Variants in FLYWCH2 observed in about 807,000 individuals in gnomAD.
FLYWCH2 encodes the protein FLYWCH family member 2.
FLYWCH2 carries 2 observed loss-of-function variants against 6.0 expected under a neutral mutation model. That is an observed-to-expected ratio of 0.33 (90% CI 0.14 to 1.04). The LOEUF (loss-of-function observed/expected upper bound fraction) is 1.04, where lower values mean the gene tolerates loss of function less well. Ranked by LOEUF, FLYWCH2 falls within the 50% of genes least tolerant of loss-of-function variation. FLYWCH2 has a pLI of 0.45. For synonymous variants in FLYWCH2, 87 were observed against 79.3 expected (o/e 1.10, Z -0.52); for missense variants, 192 against 183.4 (o/e 1.05, Z -0.27).
chr16:2,887,023 ATT>A (rs2069705859), intron 1 of FLYWCH2, among the ~76,000 whole-genome samples: 1 of 152,004 alleles, frequency 6.6e-6, no homozygotes, highest in Admixed American at 6.6e-5. Context: ...TTATTTCTTC[ATT>A]GGTTGTTTGT....
At chr16:2,886,247 G>GT (rs962250438) in intron 1 of FLYWCH2, among the ~76,000 whole-genome samples, 5 of 151,902 alleles carry the variant, frequency 3.3e-5, no homozygotes, top group Admixed American at 3.3e-4. Flanking sequence ...GTGTAGTGCA[G>GT]TGGCGCCACC....
Position 2,896,652 on chromosome 16 carries a change from T to TG in FLYWCH2, c.208dup (p.Val70GlyfsTer23). 2 of 1,613,456 alleles carry TG rather than the reference T, an allele frequency of 1.2e-6. No individual in the cohort carries two copies. The highest frequency in any genetic ancestry group is 1.7e-6 in the Non-Finnish European group (2 of 1,179,878). On this transcript the variant is annotated frameshift_variant, in exon 3 of 4. Transcript: ENST00000396958. LOFTEE classifies it high-confidence loss of function. The stretch of plus-strand genomic sequence containing the variant: ...AAGGGTGTGCACTGTGTCATGTCCC[T>TG]GGGGGTGCCCGGCCCCGCCACCCTT...
intron 1 of FLYWCH2, among the ~76,000 whole-genome samples, chr16:2,888,800 C>G (rs1251366882): frequency 2.6e-5 from 4 of 152,036 alleles, no homozygotes; most frequent in African/African-American, 9.7e-5. Context: ...ATAACCTTCA[C>G]TTCTCTGAGA....
At chr16:2,887,610 A>T (rs1201843881) in intron 1 of FLYWCH2, among the ~76,000 whole-genome samples, 1 of 151,666 alleles carries the variant, frequency 6.6e-6, no homozygotes, top group African/African-American at 2.4e-5. Flanking sequence ...TTGCTCTGTC[A>T]CCCAGGCTGA....
At chr16:2,891,168 T>C (rs540563349) in intron 1 of FLYWCH2, among the ~76,000 whole-genome samples, 4 of 152,298 alleles carry the variant, frequency 2.6e-5, no homozygotes, top group Non-Finnish European at 4.4e-5. Flanking sequence ...CCCAAGGCCA[T>C]TGGCTCTGGA....
chr16:2,883,570 C>T (rs911309235), intron 1 of FLYWCH2, among the ~76,000 whole-genome samples: 1 of 152,126 alleles, frequency 6.6e-6, no homozygotes, highest in Admixed American at 6.5e-5. Flanking sequence ...GTCCCTTGTC[C>T]AAAGCCTCAA....
In FLYWCH2 at chr16:2,887,901, G is replaced by A. The variant is rs563302782; in HGVS notation, c.-200+4535G>A. Among the ~76,000 whole-genome samples, 80 of 152,086 alleles carry A rather than the reference G, an allele frequency of 5.3e-4. 1 individual carries two copies. Among genetic ancestry groups the A allele is most frequent in the African/African-American group, 1.7e-3 (71 of 41,428 alleles). On this transcript the variant is annotated intron_variant, in intron 1 of 3. Coordinates refer to ENST00000396958, the MANE Select transcript of FLYWCH2 (RefSeq NM_138439.3). ...TCGTTAAGACTATTTTCCCTCCACA[G>A]AACTGTCTTGCCACCTTTGCTGAAA...
At chr16:2,887,893 C>T (rs2069716268) in intron 1 of FLYWCH2, among the ~76,000 whole-genome samples, 1 of 151,964 alleles carries the variant, frequency 6.6e-6, no homozygotes, top group African/African-American at 2.4e-5. Flanking sequence ...GACTATTTTC[C>T]CTCCACAGAA....
At chr16:2,885,680 T>G (rs140433103) in intron 1 of FLYWCH2, among the ~76,000 whole-genome samples, 18 of 152,356 alleles carry the variant, frequency 1.2e-4, no homozygotes, top group African/African-American at 4.1e-4. Flanking sequence ...TAATATTCCA[T>G]TTTATACATG....
At chr16:2,891,147 A>C (rs1383588056) in intron 1 of FLYWCH2, among the ~76,000 whole-genome samples, 2 of 152,212 alleles carry the variant, frequency 1.3e-5, no homozygotes, top group Non-Finnish European at 2.9e-5. Context: ...TCTGACTTCA[A>C]GCATCTGCTG....
chr16:2,890,534 C>T (rs2069745227), intron 1 of FLYWCH2, among the ~76,000 whole-genome samples: 2 of 152,006 alleles, frequency 1.3e-5, no homozygotes, highest in South Asian at 4.2e-4. Context: ...CCTGCCTCAG[C>T]CTCCCGAGTA....
chr16:2,897,383 G>T (rs1417072794), intron 3 of FLYWCH2, among the ~76,000 whole-genome samples: 2 of 152,196 alleles, frequency 1.3e-5, no homozygotes, highest in Admixed American at 6.5e-5. Flanking sequence ...GGGCTCACAG[G>T]TCCCATGGGA....
chr16:2,883,857 A>G (rs1016450645), intron 1 of FLYWCH2, among the ~76,000 whole-genome samples: 1 of 152,228 alleles, frequency 6.6e-6, no homozygotes, highest in Admixed American at 6.5e-5. Context: ...TGCCAATTGC[A>G]TTGGGTAAAG....
chr16:2,889,684 A>G (rs1051526274), intron 1 of FLYWCH2, among the ~76,000 whole-genome samples: 1 of 152,090 alleles, frequency 6.6e-6, no homozygotes, highest in African/African-American at 2.4e-5. Context: ...TTTTGGAATT[A>G]TTTTAGCTTT....
chr16:2,884,566 A>AAAAAAAAAAAAAC (rs2069676075), intron 1 of FLYWCH2, among the ~76,000 whole-genome samples: 3 of 144,262 alleles, frequency 2.1e-5, no homozygotes, highest in Admixed American at 7.0e-5. Flanking sequence ...ACTAAAAAAA[A>AAAAAAAAAAAAAC]AAAAAAAAAA....
chr16:2,896,732 C>A lies in FLYWCH2; in HGVS notation c.283C>A (p.Pro95Thr), dbSNP rs1292170759. 2 of 1,611,944 alleles carry A rather than the reference C, an allele frequency of 1.2e-6. No individual in the cohort carries two copies. The highest frequency in any genetic ancestry group is 1.7e-6 in the Non-Finnish European group (2 of 1,179,886). Residue 95 changes from proline to threonine, a missense_variant, in exon 3 of 4, where the codon CCT (proline) becomes ACT (threonine). Transcript: ENST00000396958. ...PEAQRAIEAA[P>T]QEPEQKRSRQ... ...GGCCCAGCGGGCCATTGAGGCAGCCCCTCAGGAGCCTGAGCAGAAACGGAG... is the reference window on the plus strand; with the variant it reads ...GGCCCAGCGGGCCATTGAGGCAGCCACTCAGGAGCCTGAGCAGAAACGGAG...
chr16:2,897,426 C>T (rs534583207), intron 3 of FLYWCH2, among the ~76,000 whole-genome samples: 2 of 152,270 alleles, frequency 1.3e-5, no homozygotes, highest in South Asian at 2.1e-4. Flanking sequence ...CTAGCTGCTG[C>T]GGGCTGGCTG....
intron 1 of FLYWCH2, among the ~76,000 whole-genome samples, chr16:2,890,824 C>G (rs1204163327): frequency 1.3e-5 from 2 of 152,140 alleles, no homozygotes; most frequent in African/African-American, 2.4e-5. Context: ...ACCTCAACCC[C>G]CCAGAGTTCT....
intron 1 of FLYWCH2, among the ~76,000 whole-genome samples, chr16:2,884,913 GGGATAGT>G (rs2150841607): frequency 6.6e-6 from 1 of 151,926 alleles, no homozygotes; most frequent in South Asian, 2.1e-4. Context: ...GTGATTCTTA[GGGATAGT>G]GACATTGGGG....
Sources: gnomAD v4.1 joint callset for allele counts (sites outside exome capture counted in the v4.1 genomes callset) on GRCh38, gnomAD v4.1.1 for gene constraint, MANE v1.5 for transcripts, NCBI Gene and HGNC (gene_info 2026-07-23, HGNC 2026-07-21) for gene names.